GMDS: variants seen among roughly 807,000 people sequenced by gnomAD.
GMDS encodes GDP-mannose 4,6 dehydratase.
Under a neutral mutation model 49.9 loss-of-function variants are expected in GMDS, and 20 were observed. That is an observed-to-expected ratio of 0.40 (90% CI 0.28 to 0.58). The LOEUF (loss-of-function observed/expected upper bound fraction) is 0.58. Among genes scored for constraint, GMDS ranks in the 20% least tolerant of loss-of-function variants. The pLI, the probability that GMDS is intolerant of heterozygous loss-of-function variation, is 0.42. For synonymous variants in GMDS, 177 were observed against 178.6 expected (o/e 0.99, Z 0.07); for missense variants, 362 against 481.4 (o/e 0.75, Z 2.32).
intron 9 of GMDS, among the ~76,000 whole-genome samples, chr6:1,705,355 G>C (rs1179982113): frequency 6.6e-6 from 1 of 152,198 alleles, no homozygotes; most frequent in Non-Finnish European, 1.5e-5. Flanking sequence ...GCCAGGACAG[G>C]CTGAGTTAGG....
At chr6:1,706,228 C>T (rs1486146475) in intron 9 of GMDS, among the ~76,000 whole-genome samples, 1 of 152,136 alleles carries the variant, frequency 6.6e-6, no homozygotes, top group Non-Finnish European at 1.5e-5. Context: ...TGTGCTGGCA[C>T]CATCGCGGCA....
At chr6:1,630,885 G>C (rs908676786) in intron 9 of GMDS, among the ~76,000 whole-genome samples, 1 of 152,038 alleles carries the variant, frequency 6.6e-6, no homozygotes, top group African/African-American at 2.4e-5. Context: ...GAGATGGGGG[G>C]TGGCTGACTC....
At chr6:2,217,445 G>A (rs1226435502) in intron 1 of GMDS, among the ~76,000 whole-genome samples, 1 of 152,098 alleles carries the variant, frequency 6.6e-6, no homozygotes, top group Non-Finnish European at 1.5e-5. Context: ...TTAAGTGAAG[G>A]TTTATGTTTG....
chr6:2,072,140 C>T (rs1772050173), intron 4 of GMDS, among the ~76,000 whole-genome samples: 1 of 152,098 alleles, frequency 6.6e-6, no homozygotes, highest in Non-Finnish European at 1.5e-5. Context: ...GCCATGGATA[C>T]AATTTACATG....
rs1431147370 is a variant in GMDS, at chr6:1,836,616, C to G, written c.771+93487G>C. Among the ~76,000 whole-genome samples, 3 of 152,142 alleles carry G rather than the reference C, an allele frequency of 2.0e-5. No homozygotes were observed. Among genetic ancestry groups the G allele is most frequent in the African/African-American group, 2.4e-5 (1 of 41,426 alleles). ...ATCAGTTTGCAGAAAAATATTCTTA[C>G]GAAAATAGTCCATAAAAGGGAGATT... On this transcript the variant is annotated intron_variant, in intron 7 of 10. Coordinates refer to ENST00000380815, the MANE Select transcript of GMDS (RefSeq NM_001500.4). The surrounding 1 kb of genome is among the most constrained non-coding windows in gnomAD (Gnocchi z 4.2).
chr6:2,190,787 AGGG>A (rs1778978006), intron 1 of GMDS, among the ~76,000 whole-genome samples: 1 of 152,180 alleles, frequency 6.6e-6, no homozygotes, highest in South Asian at 2.1e-4. Context: ...TGTCCACGGC[AGGG>A]GAGGCGTGGG....
chr6:1,751,282 T>C (rs559948691), intron 7 of GMDS, among the ~76,000 whole-genome samples: 153 of 152,244 alleles, frequency 1.0e-3, no homozygotes, highest in African/African-American at 3.4e-3. Context: ...GACCGGGAGA[T>C]ACCTCCTAGC....
intron 7 of GMDS, among the ~76,000 whole-genome samples, chr6:1,764,321 G>A (rs1045251836): frequency 1.3e-5 from 2 of 152,056 alleles, no homozygotes; most frequent in East Asian, 1.9e-4. Context: ...AAGAGATGGA[G>A]GCTTTATGTG....
At chr6:2,012,243 C>A (rs1197175997) in intron 4 of GMDS, among the ~76,000 whole-genome samples, 2 of 151,946 alleles carry the variant, frequency 1.3e-5, no homozygotes, top group African/African-American at 4.8e-5. Context: ...GCACTCACAC[C>A]CCCTAAATTT....
intron 4 of GMDS, among the ~76,000 whole-genome samples, chr6:2,067,754 G>A (rs1055591364): frequency 5.3e-5 from 8 of 151,416 alleles, no homozygotes; most frequent in Non-Finnish European, 1.0e-4. Context: ...AACAGGATCC[G>A]AAATTGTGGC....
chr6:1,819,864 G>A (rs1456103144), intron 7 of GMDS, among the ~76,000 whole-genome samples: 1 of 149,204 alleles, frequency 6.7e-6, no homozygotes, highest in Non-Finnish European at 1.5e-5. Flanking sequence ...AGTAATGTTT[G>A]TCTCCTTGCT....
intron 7 of GMDS, among the ~76,000 whole-genome samples, chr6:1,856,782 C>T (rs894949954): frequency 1.3e-5 from 2 of 152,210 alleles, no homozygotes; most frequent in Non-Finnish European, 2.9e-5. Flanking sequence ...AGACATCTTA[C>T]CCTTGTGACC....
intron 7 of GMDS, among the ~76,000 whole-genome samples, chr6:1,805,290 A>C (rs1770128004): frequency 6.6e-6 from 1 of 152,202 alleles, no homozygotes; most frequent in Non-Finnish European, 1.5e-5. Context: ...TACAAGATAC[A>C]CTGTTTCTTT....
intron 4 of GMDS, among the ~76,000 whole-genome samples, chr6:2,041,811 A>T (rs1769701125): frequency 1.3e-5 from 2 of 152,240 alleles, no homozygotes; most frequent in Non-Finnish European, 2.9e-5. Context: ...TCAGGTAAAA[A>T]TGGTAGAAAG....
intron 1 of GMDS, among the ~76,000 whole-genome samples, chr6:2,156,986 AT>A (rs1002260756): frequency 3.9e-5 from 6 of 152,226 alleles, no homozygotes; most frequent in East Asian, 1.9e-4. Context: ...ACTAGTTCAG[AT>A]TTTTTTTCTA....
chr6:1,892,408 G>A (rs1158263628), intron 7 of GMDS, among the ~76,000 whole-genome samples: 1 of 152,080 alleles, frequency 6.6e-6, no homozygotes, highest in Non-Finnish European at 1.5e-5. Context: ...TGCCCAGGGT[G>A]GAGTGCAGTG....
At chr6:1,639,526 C>T (rs942024231) in intron 9 of GMDS, among the ~76,000 whole-genome samples, 1 of 152,224 alleles carries the variant, frequency 6.6e-6, no homozygotes, top group African/African-American at 2.4e-5. Context: ...GGAACTCTCT[C>T]GTTTGCTGAA....
chr6:2,106,684 G>A (rs1291404875), intron 4 of GMDS, among the ~76,000 whole-genome samples: 1 of 152,032 alleles, frequency 6.6e-6, no homozygotes, highest in African/African-American at 2.4e-5. Context: ...CCAACATGGT[G>A]AAACCCTGTC....
chr6:1,705,748 T>C (rs1175788271), intron 9 of GMDS, among the ~76,000 whole-genome samples: 2 of 152,142 alleles, frequency 1.3e-5, no homozygotes, highest in Admixed American at 6.5e-5. Flanking sequence ...GCTGGAGGAC[T>C]TTCCAGAGGA....
Sources: gnomAD v4.1 joint callset for allele counts (sites outside exome capture counted in the v4.1 genomes callset) on GRCh38, gnomAD v4.1.1 for gene constraint, Gnocchi (gnomAD v3.1) non-coding constraint, MANE v1.5 for transcripts, NCBI Gene and HGNC (gene_info 2026-07-23, HGNC 2026-07-21) for gene names.